The following LUZP2 variants were observed in gnomAD, a reference collection of about 807,000 sequenced individuals.
The protein encoded by LUZP2 is leucine zipper protein 2.
Under a neutral mutation model 51.6 loss-of-function variants are expected in LUZP2, and 52 were observed. That is an observed-to-expected ratio of 1.01 (90% CI 0.81 to 1.27). LUZP2 has a LOEUF of 1.27. Ranked by LOEUF, LUZP2 falls within the 50% of genes most tolerant of loss-of-function variation. The pLI, the probability that LUZP2 is intolerant of heterozygous loss-of-function variation, is 0.00. For missense variants in LUZP2, 436 were observed against 395.4 expected (o/e 1.10, Z -0.87); for synonymous variants, 154 against 137.3 (o/e 1.12, Z -0.85).
chr11:24,497,395 C>T (rs1849859213), intron 1 of LUZP2, 90 bp downstream of exon 1: 2 of 937,250 alleles, frequency 2.1e-6, no homozygotes, highest in Non-Finnish European at 3.0e-6. Flanking sequence ...GGCCAAGGCA[C>T]TTCAGCTGTT....
chr11:24,773,926 T>A (rs1487604922), intron 5 of LUZP2, among the ~76,000 whole-genome samples: 2 of 152,074 alleles, frequency 1.3e-5, no homozygotes, highest in Admixed American at 6.6e-5. Flanking sequence ...TTGTCCTTTT[T>A]TCTGTCAGTG....
intron 4 of LUZP2, among the ~76,000 whole-genome samples, chr11:24,755,233 G>A (rs1182731846): frequency 6.6e-6 from 1 of 152,050 alleles, no homozygotes; most frequent in Non-Finnish European, 1.5e-5. Context: ...TCAGAGAGCT[G>A]ATAATACCAA....
intron 1 of LUZP2, among the ~76,000 whole-genome samples, chr11:24,683,107 G>A (rs1023436625): frequency 4.6e-5 from 7 of 152,150 alleles, no homozygotes; most frequent in African/African-American, 1.7e-4. Flanking sequence ...AAGCTTTTCA[G>A]TTTTCCTTTT....
intron 5 of LUZP2, among the ~76,000 whole-genome samples, chr11:24,780,782 T>A (rs1849068809): frequency 6.6e-6 from 1 of 152,190 alleles, no homozygotes; most frequent in African/African-American, 2.4e-5. Flanking sequence ...TCAGTCATTA[T>A]CTGTGATTCT....
intron 5 of LUZP2, among the ~76,000 whole-genome samples, chr11:24,832,897 T>G (rs2631490): frequency 0.16 from 23,763 of 152,058 alleles, 2,058 homozygotes; most frequent in African/African-American, 0.22. Flanking sequence ...TTTAGTCCCC[T>G]GTATAATGAG....
chr11:24,664,092 T>G (rs4444078), intron 1 of LUZP2, among the ~76,000 whole-genome samples: 134,844 of 152,090 alleles, frequency 0.89, 60,154 homozygotes, highest in East Asian at 1. Context: ...TTTGGAACTG[T>G]GTAACAGACA....
At chr11:24,872,634 A>AT (rs954370978) in intron 5 of LUZP2, among the ~76,000 whole-genome samples, 5 of 152,190 alleles carry the variant, frequency 3.3e-5, no homozygotes, top group Middle Eastern at 3.4e-3. Context: ...GCACTTATGG[A>AT]TTTTTTTTAA....
chr11:24,724,368 G>A (rs900322156), intron 1 of LUZP2, among the ~76,000 whole-genome samples: 14 of 152,040 alleles, frequency 9.2e-5, no homozygotes, highest in East Asian at 3.9e-4. Context: ...TCAGGAGTTC[G>A]AGATCAGCCT....
Position 24,898,433 on chromosome 11 carries a change from A to G in LUZP2, c.397-7558A>G, listed in dbSNP as rs1038392135. On this transcript the variant is annotated intron_variant, in intron 5 of 11. Transcript: ENST00000336930. The stretch of plus-strand genomic sequence containing the variant: ...AGGTCAGGAGATCAAGACCATCCTG[A>G]CTAACACGGTGAAACCCCGTCTCTA... Among the ~76,000 whole-genome samples the G allele has an allele frequency of 5.3e-5, 8 of 152,086 alleles. No homozygotes were observed. The East Asian group carries it at 5.8e-4, about 11-fold the overall frequency.
chr11:25,050,279 GTTCT>G (rs1565283166), intron 10 of LUZP2, 149 bp downstream of exon 10: 1 of 130,108 alleles, frequency 7.7e-6, no homozygotes, highest in African/African-American at 3.3e-5. Context: ...GAAAGTAAAT[GTTCT>G]TTATGTTCTT....
intron 1 of LUZP2, among the ~76,000 whole-genome samples, chr11:24,541,460 A>T (rs897112558): frequency 2.0e-5 from 3 of 152,084 alleles, no homozygotes. Context: ...AACTTAATTT[A>T]GATCCACTGT....
At chr11:24,681,911 G>A (rs1856748975) in intron 1 of LUZP2, among the ~76,000 whole-genome samples, 1 of 152,052 alleles carries the variant, frequency 6.6e-6, no homozygotes, top group Non-Finnish European at 1.5e-5. Flanking sequence ...ATGCTAACAG[G>A]TACTTTGGTT....
intron 1 of LUZP2, among the ~76,000 whole-genome samples, chr11:24,507,077 T>C (rs2133765710): frequency 6.6e-6 from 1 of 152,218 alleles, no homozygotes; most frequent in South Asian, 2.1e-4. Context: ...TTATTATAAA[T>C]ACAAAAGTTT....
rs537021265 is a variant in LUZP2 at position 25,005,245 on chromosome 11, C to A, written c.765+21952C>A. 2.6e-5 allele frequency among the ~76,000 whole-genome samples: 4 copies of A among 152,112 alleles called. No individual in the cohort carries two copies. The East Asian group carries it at 7.8e-4, about 30-fold the overall frequency. ...GGCTTATCATTAATAGGAGGGGGAG[C>A]TATAGGGAGGCTAGGATATGGGGGT... On this transcript the variant is annotated intron_variant, in intron 9 of 11. Transcript: ENST00000336930.
rs373864185 is a variant in LUZP2 at position 24,499,392 on chromosome 11, A to G, written c.62+2087A>G. On this transcript the variant is annotated intron_variant, in intron 1 of 11. Coordinates refer to ENST00000336930, the MANE Select transcript of LUZP2 (RefSeq NM_001009909.4). ...TTTTAAAGATCTCTAACAGAAGGCC[A>G]TTCTGTGTATAATATTTAACAGTTC... Among the ~76,000 whole-genome samples the G allele has an allele frequency of 4.6e-5, 7 of 152,320 alleles. No individual in the cohort carries two copies. The East Asian group carries it at 9.6e-4, about 21-fold the overall frequency.
Position 24,526,575 on chromosome 11 carries a change from A to G in LUZP2, c.62+29270A>G, listed in dbSNP as rs185646822. ...ACAAAATTATGTTTCTTTTCATTTAACTATGTTCCATGGGACGTTGTTAAA... is the reference window on the plus strand; with the variant it reads ...ACAAAATTATGTTTCTTTTCATTTAGCTATGTTCCATGGGACGTTGTTAAA... On this transcript the variant is annotated intron_variant, in intron 1 of 11. Coordinates refer to ENST00000336930, the MANE Select transcript of LUZP2 (RefSeq NM_001009909.4). Among the ~76,000 whole-genome samples the G allele has an allele frequency of 1.4e-3, 215 of 151,322 alleles. 1 individual carries two copies. Among genetic ancestry groups the G allele is most frequent in the Admixed American group, 3.6e-3 (54 of 15,128 alleles).
intron 1 of LUZP2, among the ~76,000 whole-genome samples, chr11:24,660,545 A>C (rs991038312): frequency 6.6e-6 from 1 of 152,266 alleles, no homozygotes; most frequent in South Asian, 2.1e-4. Context: ...CTGATATCTT[A>C]AATTCTACCC....
At chr11:24,838,730 A>G (rs987712580) in intron 5 of LUZP2, among the ~76,000 whole-genome samples, 3 of 151,740 alleles carry the variant, frequency 2.0e-5, no homozygotes, top group African/African-American at 7.2e-5. Context: ...TTGCATTCAT[A>G]TAGTATCATG....
intron 5 of LUZP2, among the ~76,000 whole-genome samples, chr11:24,870,739 C>T (rs867002400): frequency 6.6e-6 from 1 of 151,956 alleles, no homozygotes; most frequent in African/African-American, 2.4e-5. Flanking sequence ...TATACAAAAG[C>T]CTTAAGGGGG....
Sources: allele counts gnomAD v4.1 joint callset (sites outside exome capture counted in the v4.1 genomes callset), GRCh38; gene constraint gnomAD v4.1.1; transcripts MANE v1.5; gene names NCBI Gene and HGNC (gene_info 2026-07-23, HGNC 2026-07-21).